The following FCRL3 variants were observed in gnomAD, a reference collection of about 807,000 sequenced individuals.
The protein encoded by FCRL3 is Fc receptor-like protein 3.
Under a neutral mutation model 75.0 loss-of-function variants are expected in FCRL3, and 89 were observed. The ratio of observed to expected loss-of-function variants is 1.19; its 90% CI spans 1.00 to 1.42. The LOEUF (loss-of-function observed/expected upper bound fraction) is 1.42. Among genes scored for constraint, FCRL3 ranks in the 40% most tolerant of loss-of-function variants. The pLI is 0.00. For missense variants in FCRL3, 946 were observed against 880.0 expected, an observed-to-expected ratio of 1.07 and a Z score of -0.95; for synonymous variants, 376 against 348.5, an observed-to-expected ratio of 1.08 and a Z score of -0.88.
chr1:157,697,062 T>A, intron 6 of FCRL3, 78 bp downstream of exon 6: 1 of 1,302,896 alleles, frequency 7.7e-7, no homozygotes, highest in South Asian at 2.7e-5. Context: ...ATGTCCACCA[T>A]CCTAGGGGTG....
Position 157,678,253 on chromosome 1 carries a change from G to A in FCRL3, c.*457C>T, listed in dbSNP as rs1477427589. On this transcript the variant is annotated 3_prime_UTR_variant, in exon 15 of 15. Coordinates refer to ENST00000368184, the MANE Select transcript of FCRL3 (RefSeq NM_052939.4). ...TTGGCTGTTCCCAATATGGTAGCAA[G>A]GATACAGCATATACACCAAAACATC... The A allele has an allele frequency of 2.0e-6, 2 of 991,568 alleles. No homozygotes were observed. Among genetic ancestry groups the A allele is most frequent in the African/African-American group, 1.7e-5 (1 of 57,304 alleles). The allele number at this position is 991,568 out of a possible 1,614,324, so 61.4% of individuals were successfully genotyped here.
rs1654489214 is a variant in FCRL3 at position 157,676,862 on chromosome 1, C to T, written c.*1848G>A. 6.5e-7 allele frequency: 1 copy of T among 1,532,204 alleles called. No homozygotes were observed. The highest frequency in any genetic ancestry group is 2.0e-5 in the Admixed American group (1 of 49,998). 94.9% of individuals were successfully genotyped at this position (1,532,204 alleles called of 1,614,324 possible). Reference sequence around the variant, plus strand: ...GGGGCTTGGCAAGGTAATTCCAAATCAGCAGCAGGGTTAGAAAGGAGGAGA... The same window carrying T: ...GGGGCTTGGCAAGGTAATTCCAAATTAGCAGCAGGGTTAGAAAGGAGGAGA... On this transcript the variant is annotated 3_prime_UTR_variant, in exon 15 of 15. Transcript: ENST00000368184.
At chr1:157,688,785 A>T (rs1193608241) in intron 10 of FCRL3, among the ~76,000 whole-genome samples, 1 of 152,178 alleles carries the variant, frequency 6.6e-6, no homozygotes, top group Non-Finnish European at 1.5e-5. Context: ...TTTTCCTCAT[A>T]AACATGGACG....
rs78232055 is a variant in FCRL3, at chr1:157,678,542, A to C, written c.*168T>G. 1,598 of 1,462,798 alleles carry C rather than the reference A, an allele frequency of 1.1e-3. 15 individuals carry two copies. The East Asian group carries it at 0.033, about 31-fold the overall frequency. 90.6% of individuals were successfully genotyped at this position (1,462,798 alleles called of 1,614,324 possible). A position where few individuals can be genotyped will look rare whatever the true frequency, so the allele number is the denominator to read the frequency against. ...GCTGCCTGCTCTCTTCCTGGGGAAC[A>C]CACAGATCAGGCACAGGGGAGATTT... On this transcript the variant is annotated 3_prime_UTR_variant, in exon 15 of 15. Transcript: ENST00000368184.
chr1:157,693,514 A>G (rs1227028338), intron 8 of FCRL3, among the ~76,000 whole-genome samples: 1 of 152,210 alleles, frequency 6.6e-6, no homozygotes, highest in African/African-American at 2.4e-5. Flanking sequence ...GCAGTAACAG[A>G]CACTAAAACT....
chr1:157,685,103 A>C (rs921509655), intron 10 of FCRL3, among the ~76,000 whole-genome samples: 4 of 151,992 alleles, frequency 2.6e-5, no homozygotes, highest in African/African-American at 9.7e-5. Context: ...ATGTGAAATG[A>C]TTGTCAGTTT....
rs150879637 is a variant in FCRL3, at chr1:157,695,379, T to G, written c.1361A>C (p.Asp454Ala). ...ACTGTGCTGGGCCCCCAGGCCATTG[T>G]CTGCATCACAGGAGTAGTTTCCAGA... ...EHSGNYSCDA[D>A]NGLGAQHSHG... The change falls in exon 8 of 15, where the codon GAC becomes GCC. Residue 454 changes from aspartate to alanine, a missense_variant. Coordinates refer to ENST00000368184, the MANE Select transcript of FCRL3 (RefSeq NM_052939.4). The G allele has an allele frequency of 3.1e-6, 5 of 1,614,238 alleles. No individual in the cohort carries two copies. Among genetic ancestry groups the G allele is most frequent in the Non-Finnish European group, 4.2e-6 (5 of 1,180,024 alleles).
Position 157,695,354 on chromosome 1 carries a change from A to G in FCRL3, c.1386T>C (p.Ser462=). Residue 462 remains serine, a synonymous_variant, in exon 8 of 15, where the codon AGT becomes AGC. Transcript: ENST00000368184. The part of the protein sequence containing the change: ...DADNGLGAQH[S]HGVSLRVTVP... ...CTGTGACCCTGAGACTCACTCCATG[A>G]CTGTGCTGGGCCCCCAGGCCATTGT... 6.2e-7 allele frequency: 1 copy of G among 1,614,006 alleles called. No homozygotes were observed. The highest frequency in any genetic ancestry group is 1.3e-5 in the African/African-American group (1 of 75,036).
chr1:157,676,956 C>G lies in FCRL3; in HGVS notation c.*1754G>C, dbSNP rs535311580. The G allele has an allele frequency of 2.8e-4, 390 of 1,400,444 alleles. No individual in the cohort carries two copies. In the African/African-American group the frequency reaches 4.6e-3, roughly 16 times the overall value. 86.8% of individuals were successfully genotyped at this position (1,400,444 alleles called of 1,614,324 possible). ...CATATTTTCACCATAGAGAAAAAAA[C>G]AGCAGAATGTATCACATAGAAGACA... On this transcript the variant is annotated 3_prime_UTR_variant, in exon 15 of 15. Coordinates refer to ENST00000368184, the MANE Select transcript of FCRL3 (RefSeq NM_052939.4).
chr1:157,676,822 AC>A lies in FCRL3; in HGVS notation c.*1887del. On this transcript the variant is annotated 3_prime_UTR_variant, in exon 15 of 15. Coordinates refer to ENST00000368184, the MANE Select transcript of FCRL3 (RefSeq NM_052939.4). ...ATGACAGGTCCCTTAGAGAAAGTTC[AC>A]TATAAGGCACAAAGGGGCTTGGCAA... 1 of 1,547,914 alleles carries A rather than the reference AC, an allele frequency of 6.5e-7. No individual in the cohort carries two copies. Among genetic ancestry groups the A allele is most frequent in the Non-Finnish European group, 8.7e-7 (1 of 1,145,878 alleles).
Position 157,696,319 on chromosome 1 carries a change from C to T in FCRL3, c.853G>A (p.Val285Met), listed in dbSNP as rs537235260. 1.4e-5 allele frequency: 23 copies of T among 1,613,986 alleles called. No homozygotes were observed. Among genetic ancestry groups the T allele is most frequent in the Non-Finnish European group, 1.8e-5 (21 of 1,179,930 alleles). ...CGGATCTCTAGATTCACATTAGACA[C>T]AGGGACTCCTGGGGGAACACAAGAT... is the stretch of plus-strand genomic sequence containing the variant. ...RSQIRVQRVPVSNVNLEIRPT... is the reference protein window; with the variant it reads ...RSQIRVQRVPMSNVNLEIRPT... Residue 285 changes from valine to methionine, a missense_variant, in exon 7 of 15, where the codon GTG (valine) becomes ATG (methionine). Coordinates refer to ENST00000368184, the MANE Select transcript of FCRL3 (RefSeq NM_052939.4).
intron 5 of FCRL3, 95 bp downstream of exon 5, chr1:157,697,564 A>G: frequency 6.8e-7 from 1 of 1,467,994 alleles, no homozygotes; most frequent in Middle Eastern, 2.3e-4. Flanking sequence ...GCTGAGCCAT[A>G]GGAGACTCTT....
intron 9 of FCRL3, 143 bp from the exon 10 acceptor site, chr1:157,690,060 G>T: frequency 7.4e-7 from 1 of 1,345,690 alleles, no homozygotes; most frequent in Non-Finnish European, 1.0e-6. Context: ...CATATGAAAG[G>T]TATTCTCCAG....
At position 157,698,405 on chromosome 1, in the gene FCRL3, C is replaced by T. The variant is rs765911523; in HGVS notation, c.277G>A (p.Val93Met). Residue 93 changes from valine (V) to methionine (M), a missense_variant, in exon 4 of 15, where the codon GTG becomes ATG. By Grantham distance (21) the Val-to-Met change is conservative (BLOSUM62 1). Transcript: ENST00000368184. ...TCACCAGGTGAAAATTCCACATGCA[C>T]GGCATCACTGAGGGAGGATCCTCGG... ...KTRGSSLSDA[V>M]HVEFSPDWLI... 1.4e-5 allele frequency: 22 copies of T among 1,614,062 alleles called. No individual in the cohort carries two copies. Among genetic ancestry groups the T allele is most frequent in the South Asian group, 7.7e-5 (7 of 91,088 alleles).
chr1:157,694,045 C>T (rs75163279), intron 8 of FCRL3, among the ~76,000 whole-genome samples: 147 of 152,256 alleles, frequency 9.7e-4, no homozygotes, highest in East Asian at 3.9e-3. Context: ...CCACTGCACC[C>T]GGCCCCTTAT....
chr1:157,697,429 T>C lies in FCRL3; in HGVS notation c.560-5A>G, dbSNP rs749279862. On this transcript the variant is annotated splice_polypyrimidine_tract_variant and splice_region_variant and intron_variant, in intron 5 of 14. Transcript: ENST00000368184. ...GCACAGGATGTAGAAACAGCTCTAA[T>C]GAAAAGAAACAACATAGTCTCCAGG... 1.4e-5 allele frequency: 21 copies of C among 1,531,930 alleles called. No individual in the cohort carries two copies. The highest frequency in any genetic ancestry group is 1.7e-5 in the Non-Finnish European group (19 of 1,144,460). The allele number at this position is 1,531,930 out of a possible 1,614,324, so 94.9% of individuals were successfully genotyped here. A position where few individuals can be genotyped will look rare whatever the true frequency, so the allele number is the denominator to read the frequency against.
chr1:157,679,153 G>A (rs1654658437), intron 13 of FCRL3, 180 bp from the exon 14 acceptor site: 1 of 683,532 alleles, frequency 1.5e-6, no homozygotes, highest in East Asian at 2.7e-5. Flanking sequence ...TTCTTGATTT[G>A]CTTGATCTCT....
At chr1:157,689,138 T>C (rs1448072353) in intron 10 of FCRL3, among the ~76,000 whole-genome samples, 1 of 152,166 alleles carries the variant, frequency 6.6e-6, no homozygotes, top group African/African-American at 2.4e-5. Context: ...GCACTCAGCA[T>C]TGTACAGGAG....
At chr1:157,683,339 T>C (rs1654968824) in intron 10 of FCRL3, 95 bp from the exon 11 acceptor site, 17 of 1,459,918 alleles carry the variant, frequency 1.2e-5, no homozygotes, top group East Asian at 2.4e-5. Context: ...AGATTCATTC[T>C]AGATCTAAGC....
Sources: allele counts gnomAD v4.1 joint callset (sites outside exome capture counted in the v4.1 genomes callset), GRCh38; gene constraint gnomAD v4.1.1; transcripts MANE v1.5; gene names NCBI Gene and HGNC (gene_info 2026-07-23, HGNC 2026-07-21).